Variants in ARHGAP25 observed in about 807,000 individuals in gnomAD.
The protein encoded by ARHGAP25 is Rho GTPase activating protein 25.
A neutral mutation model predicts 71.0 loss-of-function variants in ARHGAP25; 34 were observed. The ratio of observed to expected loss-of-function variants is 0.48; its 90% CI spans 0.36 to 0.64. The LOEUF is 0.64. Among genes scored for constraint, ARHGAP25 ranks in the 30% least tolerant of loss-of-function variants. ARHGAP25 has a pLI of 0.00. For synonymous variants in ARHGAP25, 282 were observed against 296.5 expected (o/e 0.95, Z 0.50); for missense variants, 706 against 805.1 (o/e 0.88, Z 1.49).
At chr2:68,819,841 T>C (rs919725483) in intron 9 of ARHGAP25, 1 of 227,812 alleles carries the variant, frequency 4.4e-6, no homozygotes, top group East Asian at 9.1e-5. Flanking sequence ...ACGTTCCCAA[T>C]GTCCAAAAGC....
rs1216948875 is a variant in ARHGAP25 at position 68,822,352 on chromosome 2, G to C, written c.1213G>C (p.Asp405His). 1 of 1,613,358 alleles carries C rather than the reference G, an allele frequency of 6.2e-7. No homozygotes were observed. Among genetic ancestry groups the C allele is most frequent in the African/African-American group, 1.3e-5 (1 of 74,808 alleles). The part of the protein sequence containing the change: ...DSFSSMTSDS[D>H]TTSPTGQQPS... ...ATTTCTTTTCTAGACAAGCGACTCT[G>C]ATACAACCAGCCCCACCGGACAGCA... The change falls in exon 10 of 11, where the codon GAT becomes CAT. Residue 405 changes from aspartate (D) to histidine (H), a missense_variant. Coordinates refer to ENST00000409202, the MANE Select transcript of ARHGAP25 (RefSeq NM_001007231.3).
intron 1 of ARHGAP25, among the ~76,000 whole-genome samples, chr2:68,758,514 A>T (rs1419371096): frequency 1.3e-5 from 2 of 151,984 alleles, no homozygotes; most frequent in Non-Finnish European, 2.9e-5. Context: ...AGAAACAAAG[A>T]AAAACATTAT....
chr2:68,815,427 G>A lies in ARHGAP25; in HGVS notation c.808-862G>A, dbSNP rs1005763625. ...TTGAGGAGTGCCTGCACACCGGCAT[G>A]TGAATTGTGTACTCTCTTTTTTTTT... is the stretch of plus-strand genomic sequence containing the variant. On this transcript the variant is annotated intron_variant, in intron 6 of 10. Coordinates refer to ENST00000409202, the MANE Select transcript of ARHGAP25 (RefSeq NM_001007231.3). Among the ~76,000 whole-genome samples, 8 of 140,922 alleles carry A rather than the reference G, an allele frequency of 5.7e-5. No homozygotes were observed. The Admixed American group carries it at 5.7e-4, about 10-fold the overall frequency. 92.5% of individuals were successfully genotyped at this position (140,922 alleles called of 152,430 possible).
chr2:68,761,404 T>A (rs1676807668), intron 1 of ARHGAP25, among the ~76,000 whole-genome samples: 1 of 151,884 alleles, frequency 6.6e-6, no homozygotes, highest in Admixed American at 6.6e-5. Context: ...TCTGAAAATT[T>A]AAAAAATTAC....
chr2:68,802,590 A>G (rs1427611288), intron 4 of ARHGAP25, among the ~76,000 whole-genome samples: 4 of 151,934 alleles, frequency 2.6e-5, no homozygotes, highest in African/African-American at 4.8e-5. Flanking sequence ...GAATGAAGCT[A>G]TTGCCTTTGA....
chr2:68,746,708 C>CCA (rs1553395326), intron 1 of ARHGAP25, among the ~76,000 whole-genome samples: 49 of 150,786 alleles, frequency 3.2e-4, no homozygotes, highest in Non-Finnish European at 5.8e-4. Context: ...GGACCACCCC[C>CCA]CTCCCCATCC....
At chr2:68,822,311 T>C (rs373864170) in intron 9 of ARHGAP25, 29 bp from the exon 10 acceptor site, 153 of 1,597,098 alleles carry the variant, frequency 9.6e-5, no homozygotes, top group Non-Finnish European at 1.3e-4. Flanking sequence ...GAAAACCCCA[T>C]GTGACATCCA....
intron 4 of ARHGAP25, among the ~76,000 whole-genome samples, chr2:68,797,143 A>C (rs1191231213): frequency 1.3e-5 from 2 of 152,126 alleles, no homozygotes; most frequent in Non-Finnish European, 2.9e-5. Flanking sequence ...GTAGGGGGCA[A>C]AGTTGGGCAG....
chr2:68,760,981 C>G (rs1247136065), intron 1 of ARHGAP25, among the ~76,000 whole-genome samples: 1 of 150,614 alleles, frequency 6.6e-6, no homozygotes, highest in Admixed American at 6.6e-5. Context: ...TAAACCAAAA[C>G]AGTGTAGTAA....
chr2:68,745,718 T>C (rs1397058751), intron 1 of ARHGAP25, among the ~76,000 whole-genome samples: 1 of 152,186 alleles, frequency 6.6e-6, no homozygotes, highest in Non-Finnish European at 1.5e-5. Flanking sequence ...CCACTAGTGC[T>C]GCTGTAACTA....
In ARHGAP25 at chr2:68,748,859, T is replaced by C. The variant is rs1402764726; in HGVS notation, c.61+13599T>C. On this transcript the variant is annotated intron_variant, in intron 1 of 10. Coordinates refer to ENST00000409202, the MANE Select transcript of ARHGAP25 (RefSeq NM_001007231.3). ...CAAGGGGTATGTCTTGCTCCTATAA[T>C]CAAAGTCTTCTTGATGATTGAAACT... Among the ~76,000 whole-genome samples, 7 of 152,146 alleles carry C rather than the reference T, an allele frequency of 4.6e-5. No homozygotes were observed. In the East Asian group the frequency reaches 1.3e-3, roughly 29 times the overall value.
At chr2:68,766,911 A>C (rs1677159275) in intron 1 of ARHGAP25, among the ~76,000 whole-genome samples, 1 of 152,210 alleles carries the variant, frequency 6.6e-6, no homozygotes, top group Non-Finnish European at 1.5e-5. Context: ...TATTGGTGCC[A>C]AGCCCCTTTC....
At chr2:68,730,852 G>A (rs1014750619), upstream of ARHGAP25, among the ~76,000 whole-genome samples, 1 of 151,958 alleles carries the variant, frequency 6.6e-6, no homozygotes, top group South Asian at 2.1e-4. Flanking sequence ...TGCCTGGAGC[G>A]TTCTCCTCTC....
intron 4 of ARHGAP25, among the ~76,000 whole-genome samples, chr2:68,790,011 T>A (rs900745582): frequency 4.6e-5 from 7 of 152,148 alleles, no homozygotes; most frequent in Non-Finnish European, 1.5e-5. Flanking sequence ...TATTTTGAGA[T>A]GGAGTCTCAC....
At chr2:68,724,075 A>G (rs1323600411) in intron 2 of ARHGAP25, among the ~76,000 whole-genome samples, 2 of 152,032 alleles carry the variant, frequency 1.3e-5, no homozygotes, top group Non-Finnish European at 2.9e-5. Flanking sequence ...AGGTCTGAGT[A>G]TGACAGGACA....
chr2:68,758,131 G>A (rs561528122), intron 1 of ARHGAP25, among the ~76,000 whole-genome samples: 4 of 151,934 alleles, frequency 2.6e-5, no homozygotes, highest in Admixed American at 6.5e-5. Context: ...CACGAAGGAA[G>A]AAAGTTAAAT....
At chr2:68,744,373 T>C (rs755869957) in intron 1 of ARHGAP25, among the ~76,000 whole-genome samples, 10 of 152,206 alleles carry the variant, frequency 6.6e-5, no homozygotes, top group African/African-American at 9.7e-5. Context: ...TCTGCGAGAT[T>C]GTACCGTTTT....
At chr2:68,808,902 G>C (rs1350525670) in intron 5 of ARHGAP25, among the ~76,000 whole-genome samples, 1 of 152,128 alleles carries the variant, frequency 6.6e-6, no homozygotes, top group Non-Finnish European at 1.5e-5. Flanking sequence ...TGATTATTTT[G>C]AAATATTTGA....
rs1325148118 is a variant in ARHGAP25, at chr2:68,735,075, TG to T, written c.-124del. 1.2e-6 allele frequency: 1 copy of T among 840,090 alleles called. No individual in the cohort carries two copies. Among genetic ancestry groups the T allele is most frequent in the Non-Finnish European group, 2.0e-6 (1 of 489,546 alleles). The allele number at this position is 840,090 out of a possible 1,614,324, so 52.0% of individuals were successfully genotyped here. ...TCAGCCTCAAGCCTAAGATTGCTTG[TG>T]AAGCAATCATAAGGAGGAACAAAAA... On this transcript the variant is annotated 5_prime_UTR_variant, in exon 1 of 11. An upstream open reading frame in the 5' UTR gains an earlier in-frame stop. Coordinates refer to ENST00000409202, the MANE Select transcript of ARHGAP25 (RefSeq NM_001007231.3).
Sources: allele counts gnomAD v4.1 joint callset (sites outside exome capture counted in the v4.1 genomes callset), GRCh38; gene constraint gnomAD v4.1.1; transcripts MANE v1.5; gene names NCBI Gene and HGNC (gene_info 2026-07-23, HGNC 2026-07-21).